Variants in TPRG1 observed in about 807,000 individuals in gnomAD.
TPRG1 encodes the protein tumor protein p63 regulated 1.
A neutral mutation model predicts 29.3 loss-of-function variants in TPRG1; 29 were observed. The ratio of observed to expected loss-of-function variants is 0.99; its 90% CI spans 0.74 to 1.35. TPRG1 has a LOEUF of 1.35. TPRG1 is among the 40% of genes most tolerant of loss of function. The probability of loss-of-function intolerance (pLI) is 0.00; values close to 1 mark genes in which losing one functional copy is unlikely to be tolerated. For missense variants in TPRG1, 327 were observed against 335.0 expected (o/e 0.98, Z 0.19); for synonymous variants, 130 against 116.8 (o/e 1.11, Z -0.73).
At chr3:189,069,426 TC>T (rs926734196) in intron 4 of TPRG1, among the ~76,000 whole-genome samples, 119 of 152,316 alleles carry the variant, frequency 7.8e-4, no homozygotes, top group African/African-American at 2.8e-3. Flanking sequence ...CTGTTCTGTA[TC>T]TTGACTGTAT....
At chr3:189,230,372 GGTT>G (rs1021506156) in intron 3 of TPRG1, among the ~76,000 whole-genome samples, 2 of 152,048 alleles carry the variant, frequency 1.3e-5, no homozygotes, top group Admixed American at 6.5e-5. Flanking sequence ...ATTCAGGCTT[GGTT>G]GTTCCATCTG....
At chr3:189,292,292 C>CTTTTT (rs11459415) in intron 4 of TPRG1, among the ~76,000 whole-genome samples, 1 of 114,928 alleles carries the variant, frequency 8.7e-6, no homozygotes, top group African/African-American at 3.4e-5. Context: ...GAAGTTTTTG[C>CTTTTT]TTTTTTTTTT....
rs190024827 is a variant in TPRG1 at position 189,163,605 on chromosome 3, G to A, written c.-10+12733G>A. ...TCTTTAATGAAATGACGACTTTTACGGGGCAACAAGTTTCCTTGAAAAGGA... is the reference window on the plus strand; with the variant it reads ...TCTTTAATGAAATGACGACTTTTACAGGGCAACAAGTTTCCTTGAAAAGGA... On this transcript the variant is annotated intron_variant, in intron 5 of 6. Coordinates refer to the TPRG1 transcript ENST00000412373. Among the ~76,000 whole-genome samples, 17 of 152,170 alleles carry A rather than the reference G, an allele frequency of 1.1e-4. No individual in the cohort carries two copies. In the East Asian group the frequency reaches 3.3e-3, roughly 30 times the overall value.
intron 4 of TPRG1, among the ~76,000 whole-genome samples, chr3:189,252,070 G>A (rs1233160475): frequency 1.3e-5 from 2 of 152,168 alleles, no homozygotes; most frequent in Non-Finnish European, 2.9e-5. Flanking sequence ...CTGGGTACTT[G>A]AGATTAGGGA....
chr3:189,207,633 C>T (rs772485584), intron 2 of TPRG1, 39 bp downstream of exon 2: 22 of 1,582,728 alleles, frequency 1.4e-5, no homozygotes, highest in Non-Finnish European at 1.9e-5. Context: ...TATAAAAATT[C>T]ACCCCAAGAC....
intron 2 of TPRG1, among the ~76,000 whole-genome samples, chr3:189,004,160 C>T (rs989979855): frequency 6.6e-6 from 1 of 152,080 alleles, no homozygotes; most frequent in Non-Finnish European, 1.5e-5. Context: ...AATGGTAATG[C>T]ATTTATGTGG....
chr3:189,287,841 C>T (rs1718330422), intron 4 of TPRG1, among the ~76,000 whole-genome samples: 1 of 151,958 alleles, frequency 6.6e-6, no homozygotes, highest in Admixed American at 6.6e-5. Context: ...CTATTTTCCC[C>T]CAATTTTAAG....
upstream of TPRG1, among the ~76,000 whole-genome samples, chr3:189,098,995 A>G (rs1718886213): frequency 6.6e-6 from 1 of 151,948 alleles, no homozygotes; most frequent in Non-Finnish European, 1.5e-5. Context: ...GCAAACAGAG[A>G]CGGCTTTACC....
At chr3:189,127,812 T>C (rs1246890646) in intron 2 of TPRG1, among the ~76,000 whole-genome samples, 1 of 152,196 alleles carries the variant, frequency 6.6e-6, no homozygotes. Context: ...CTTTGTGAGG[T>C]AGAGTCTAAG....
chr3:189,282,261 G>T (rs961422623), intron 4 of TPRG1, among the ~76,000 whole-genome samples: 5 of 145,152 alleles, frequency 3.4e-5, no homozygotes, highest in African/African-American at 1.3e-4. Context: ...GGAATCTTAG[G>T]CATCAGTGGA....
intron 1 of TPRG1, among the ~76,000 whole-genome samples, chr3:189,187,305 GT>G (rs1731069084): frequency 7.0e-6 from 1 of 143,442 alleles, no homozygotes; most frequent in Admixed American, 6.9e-5. Context: ...ACTTTTTTTT[GT>G]TTGTTTTTTG....
At chr3:189,100,347 G>C (rs2152188985) in intron 1 of TPRG1, 1 of 152,332 alleles carries the variant, frequency 6.6e-6, no homozygotes, top group South Asian at 2.1e-4. Flanking sequence ...CTGAGATGTA[G>C]AGGGAAGGTA....
upstream of TPRG1, among the ~76,000 whole-genome samples, chr3:189,095,788 C>T (rs1718634482): frequency 6.6e-6 from 1 of 152,190 alleles, no homozygotes; most frequent in Non-Finnish European, 1.5e-5. Flanking sequence ...ATGAACCTCA[C>T]AGCTTATGTC....
chr3:189,114,057 A>G (rs1720888085), intron 1 of TPRG1, among the ~76,000 whole-genome samples: 2 of 152,164 alleles, frequency 1.3e-5, no homozygotes, highest in Non-Finnish European at 2.9e-5. Context: ...ATCACATTAA[A>G]ATTTTTACTT....
chr3:188,998,143 G>T (rs1578175123), intron 1 of TPRG1, among the ~76,000 whole-genome samples: 4 of 66,628 alleles, frequency 6.0e-5, no homozygotes, highest in African/African-American at 1.6e-4. Flanking sequence ...TGTTCTTATG[G>T]GAGCAGACCA....
At chr3:189,195,742 A>G (rs1404574275) in intron 1 of TPRG1, among the ~76,000 whole-genome samples, 2 of 152,180 alleles carry the variant, frequency 1.3e-5, no homozygotes, top group Non-Finnish European at 1.5e-5. Context: ...GGGGATTCCT[A>G]GGATCCTCTT....
intron 3 of TPRG1, among the ~76,000 whole-genome samples, chr3:189,235,964 A>G (rs561810607): frequency 6.6e-5 from 10 of 152,318 alleles, no homozygotes; most frequent in Admixed American, 5.9e-4. Flanking sequence ...TACAAACACA[A>G]TATATCTTTA....
At chr3:189,319,938 C>T (rs149807318) in intron 5 of TPRG1, among the ~76,000 whole-genome samples, 52 of 152,166 alleles carry the variant, frequency 3.4e-4, no homozygotes, top group African/African-American at 1.3e-3. Context: ...TTCTTCTTCA[C>T]GTAACTAGCT....
chr3:189,188,004 G>A (rs1191188848), intron 1 of TPRG1, among the ~76,000 whole-genome samples: 2 of 152,190 alleles, frequency 1.3e-5, no homozygotes, highest in African/African-American at 4.8e-5. Flanking sequence ...ATAATAAGTT[G>A]TCTGGTTCAG....
Sources: allele counts gnomAD v4.1 joint callset (sites outside exome capture counted in the v4.1 genomes callset), GRCh38; gene constraint gnomAD v4.1.1; transcripts MANE v1.5; gene names NCBI Gene and HGNC (gene_info 2026-07-23, HGNC 2026-07-21).